MAP3K20: variants seen among roughly 807,000 people sequenced by gnomAD.
MAP3K20 encodes the protein mitogen-activated protein kinase kinase kinase 20.
In MAP3K20, 40 loss-of-function variants were observed where a neutral mutation model predicts 85.7. The observed-to-expected ratio is 0.47, with a 90% confidence interval of 0.36 to 0.61. MAP3K20 has a LOEUF of 0.61. Among genes scored for constraint, MAP3K20 ranks in the 20% least tolerant of loss-of-function variants. The pLI is 0.00. For missense variants in MAP3K20, 817 were observed against 961.7 expected (o/e 0.85, Z 1.99); for synonymous variants, 325 against 327.7 (o/e 0.99, Z 0.09).
chr2:173,174,224 T>G (rs1439797129), intron 3 of MAP3K20, among the ~76,000 whole-genome samples: 3 of 152,212 alleles, frequency 2.0e-5, no homozygotes, highest in Non-Finnish European at 4.4e-5. Flanking sequence ...TTATTATACT[T>G]TAAATTCTGG....
At chr2:173,209,359 G>A (rs2106302414) in intron 9 of MAP3K20, among the ~76,000 whole-genome samples, 1 of 152,296 alleles carries the variant, frequency 6.6e-6, no homozygotes, top group South Asian at 2.1e-4. Context: ...ACAGTCTACT[G>A]TTAACTTTTT....
intron 11 of MAP3K20, among the ~76,000 whole-genome samples, chr2:173,219,888 G>A (rs887528308): frequency 6.6e-6 from 1 of 152,028 alleles, no homozygotes; most frequent in Non-Finnish European, 1.5e-5. Flanking sequence ...ACAGCATAGT[G>A]AAACCCCATC....
intron 2 of MAP3K20, among the ~76,000 whole-genome samples, chr2:173,136,323 C>G (rs1688798960): frequency 6.6e-6 from 1 of 152,170 alleles, no homozygotes; most frequent in South Asian, 2.1e-4. Context: ...TAGTCACTGT[C>G]ATAACAGAAA....
At position 173,195,707 on chromosome 2, in the gene MAP3K20, G is replaced by T. The variant is rs1053881810; in HGVS notation, c.583-2319G>T. Among the ~76,000 whole-genome samples, 4 of 151,992 alleles carry T rather than the reference G, an allele frequency of 2.6e-5. No homozygotes were observed. The East Asian group carries it at 7.7e-4, about 29-fold the overall frequency. On this transcript the variant is annotated intron_variant, in intron 7 of 19. Coordinates refer to ENST00000375213, the MANE Select transcript of MAP3K20 (RefSeq NM_016653.3). ...CTTTTTGATACATCCCCAAATCCAG[G>T]GAATTAATAAAAGGAAATCATGAGA... is the stretch of plus-strand genomic sequence containing the variant.
At chr2:173,098,396 A>G (rs1687525858) in intron 2 of MAP3K20, among the ~76,000 whole-genome samples, 1 of 152,206 alleles carries the variant, frequency 6.6e-6, no homozygotes, top group Non-Finnish European at 1.5e-5. Flanking sequence ...ACAAGTGGAA[A>G]ATATCACACC....
chr2:173,126,051 C>G (rs529206775), intron 2 of MAP3K20, among the ~76,000 whole-genome samples: 1 of 152,128 alleles, frequency 6.6e-6, no homozygotes, highest in Non-Finnish European at 1.5e-5. Flanking sequence ...AATTATACCA[C>G]TAGAATGATT....
intron 12 of MAP3K20, among the ~76,000 whole-genome samples, 161 bp downstream of exon 12, chr2:173,229,894 G>T (rs71417425): frequency 1.3e-5 from 2 of 152,072 alleles, no homozygotes; most frequent in African/African-American, 2.4e-5. Context: ...GCAGTGGTGC[G>T]ATCTCAGCTC....
At chr2:173,234,995 G>A (rs1189638595) in intron 14 of MAP3K20, among the ~76,000 whole-genome samples, 1 of 152,202 alleles carries the variant, frequency 6.6e-6, no homozygotes, top group Non-Finnish European at 1.5e-5. Flanking sequence ...GAGAGAAGGG[G>A]AAGATGTCAC....
chr2:173,249,600 T>G (rs549765319), intron 16 of MAP3K20, among the ~76,000 whole-genome samples: 6 of 152,306 alleles, frequency 3.9e-5, no homozygotes, highest in African/African-American at 1.4e-4. Context: ...GATAAAACTT[T>G]ATTTGCAGTA....
intron 1 of MAP3K20, among the ~76,000 whole-genome samples, chr2:173,078,916 G>A (rs1219597542): frequency 1.3e-5 from 2 of 152,322 alleles, no homozygotes; most frequent in South Asian, 2.1e-4. Flanking sequence ...CACCTGTAAG[G>A]TAGTTGGCTT....
rs1054010511 is a variant in MAP3K20 at position 173,227,102 on chromosome 2, C to T, written c.988-2587C>T. On this transcript the variant is annotated intron_variant, in intron 11 of 19. Transcript: ENST00000375213. ...TTGATGTGAACTTTTCTTTGCTTTC[C>T]TTTGTTCTAAGACTCCATTTTGCAA... The T allele has an allele frequency of 2.2e-5, 22 of 985,662 alleles. No homozygotes were observed. In the Admixed American group the frequency reaches 1.2e-3, roughly 52 times the overall value. 61.1% of individuals were successfully genotyped at this position (985,662 alleles called of 1,614,324 possible).
At chr2:173,156,640 G>A (rs935005) in intron 2 of MAP3K20, among the ~76,000 whole-genome samples, 185 of 152,312 alleles carry the variant, frequency 1.2e-3, no homozygotes, top group African/African-American at 4.1e-3. Flanking sequence ...GTGCTCCTCT[G>A]AGAATCTAAT....
chr2:173,092,965 G>A (rs1423905597), intron 2 of MAP3K20, among the ~76,000 whole-genome samples: 3 of 152,110 alleles, frequency 2.0e-5, no homozygotes, highest in Non-Finnish European at 4.4e-5. Context: ...CCAGTAAACT[G>A]TAAGAGCATA....
Position 173,241,075 on chromosome 2 carries a change from C to T in MAP3K20, c.1359+1579C>T, listed in dbSNP as rs147797972. ...ATGGAGATAGTAGAATGATGATTACCAGAGGCTTGGAAGCATAGCAGGGGA... is the reference window on the plus strand; with the variant it reads ...ATGGAGATAGTAGAATGATGATTACTAGAGGCTTGGAAGCATAGCAGGGGA... On this transcript the variant is annotated intron_variant, in intron 16 of 19. Transcript: ENST00000375213. Among the ~76,000 whole-genome samples the T allele has an allele frequency of 3.5e-4, 54 of 152,238 alleles. 1 individual carries two copies. In the East Asian group the frequency reaches 9.7e-3, roughly 27 times the overall value.
chr2:173,084,742 T>C (rs1220377860), intron 1 of MAP3K20, among the ~76,000 whole-genome samples: 1 of 152,218 alleles, frequency 6.6e-6, no homozygotes, highest in Non-Finnish European at 1.5e-5. Flanking sequence ...GATGGCTAAA[T>C]ATGATATCAA....
At chr2:173,150,184 G>T (rs1277815695) in intron 2 of MAP3K20, among the ~76,000 whole-genome samples, 1 of 152,222 alleles carries the variant, frequency 6.6e-6, no homozygotes, top group Non-Finnish European at 1.5e-5. Context: ...GTGGAAAAGA[G>T]AAGTGATGTT....
At chr2:173,249,412 G>A (rs1479678165) in intron 16 of MAP3K20, among the ~76,000 whole-genome samples, 2 of 152,312 alleles carry the variant, frequency 1.3e-5, no homozygotes, top group South Asian at 2.1e-4. Flanking sequence ...TAGGACAACC[G>A]TATCAATCCT....
At chr2:173,130,530 C>T (rs1348236666) in intron 2 of MAP3K20, among the ~76,000 whole-genome samples, 1 of 151,584 alleles carries the variant, frequency 6.6e-6, no homozygotes, top group Non-Finnish European at 1.5e-5. Flanking sequence ...ATGTCTTCAT[C>T]TGTAAAATGA....
chr2:173,173,532 C>A (rs559785981), intron 3 of MAP3K20, among the ~76,000 whole-genome samples: 1 of 152,130 alleles, frequency 6.6e-6, no homozygotes, highest in Non-Finnish European at 1.5e-5. Flanking sequence ...CTCATTAAAC[C>A]CAGCCAAGGA....
Sources: gnomAD v4.1 joint callset for allele counts (sites outside exome capture counted in the v4.1 genomes callset) on GRCh38, gnomAD v4.1.1 for gene constraint, MANE v1.5 for transcripts, NCBI Gene and HGNC (gene_info 2026-07-23, HGNC 2026-07-21) for gene names.